The following FRMD4A variants were observed in gnomAD, a reference collection of about 807,000 sequenced individuals.
The protein encoded by FRMD4A is FERM domain containing 4A.
In FRMD4A, 29 loss-of-function variants were observed where a neutral mutation model predicts 129.1. That is an observed-to-expected ratio of 0.22 (90% CI 0.17 to 0.31). FRMD4A has a LOEUF of 0.31. FRMD4A is among the 10% of genes least tolerant of loss of function. The pLI, the probability that FRMD4A is intolerant of heterozygous loss-of-function variation, is 1.00. For synonymous variants in FRMD4A, 634 were observed against 571.6 expected (o/e 1.11, Z -1.56); for missense variants, 1,272 against 1,375.8 (o/e 0.92, Z 1.19).
At chr10:13,984,489 T>C (rs1334726329) in intron 2 of FRMD4A, among the ~76,000 whole-genome samples, 1 of 152,206 alleles carries the variant, frequency 6.6e-6, no homozygotes, top group Admixed American at 6.5e-5. Flanking sequence ...CAGAAGTTTT[T>C]CAGATTGCAA....
chr10:14,000,847 C>A (rs906635845), intron 2 of FRMD4A, among the ~76,000 whole-genome samples: 1 of 152,050 alleles, frequency 6.6e-6, no homozygotes, highest in African/African-American at 2.4e-5. Context: ...GGAAGGAAGT[C>A]ATGCACAATT....
intron 23 of FRMD4A, chr10:13,654,122 T>C (rs1451058002): frequency 1.1e-5 from 6 of 529,062 alleles, no homozygotes; most frequent in African/African-American, 5.9e-5. Context: ...TGAAATGCTG[T>C]CTGGAAATCT....
chr10:13,991,507 G>A (rs1210859611), intron 2 of FRMD4A, among the ~76,000 whole-genome samples: 1 of 152,168 alleles, frequency 6.6e-6, no homozygotes, highest in Non-Finnish European at 1.5e-5. Flanking sequence ...TGTACTCCCA[G>A]GACACAATGG....
chr10:13,670,355 G>GA, intron 17 of FRMD4A, 51 bp downstream of exon 17: 2 of 1,591,122 alleles, frequency 1.3e-6, no homozygotes, highest in Non-Finnish European at 1.7e-6. Flanking sequence ...TGACCAATGG[G>GA]AAAAACAAGG....
chr10:14,131,716 C>T (rs533156673), intron 2 of FRMD4A, among the ~76,000 whole-genome samples: 5 of 152,268 alleles, frequency 3.3e-5, no homozygotes, highest in South Asian at 2.1e-4. Context: ...CAAGATACCA[C>T]GCCACGAGAT....
At chr10:14,217,705 G>A (rs558401437) in intron 2 of FRMD4A, among the ~76,000 whole-genome samples, 1 of 152,262 alleles carries the variant, frequency 6.6e-6, no homozygotes, top group Admixed American at 6.5e-5. Context: ...CAACCTAGGC[G>A]CTGGCTCCCA....
intron 2 of FRMD4A, among the ~76,000 whole-genome samples, chr10:14,308,873 G>A (rs1041338): frequency 0.047 from 7,104 of 152,150 alleles, 470 homozygotes; most frequent in African/African-American, 0.15. Flanking sequence ...CCTACCAAAT[G>A]ACCCATTGGT....
At chr10:14,259,439 T>A (rs992074808) in intron 2 of FRMD4A, among the ~76,000 whole-genome samples, 2 of 152,200 alleles carry the variant, frequency 1.3e-5, no homozygotes, top group African/African-American at 4.8e-5. Context: ...AATGGCATTT[T>A]TTCAATTTTA....
At chr10:13,963,638 T>A (rs780355928) in intron 2 of FRMD4A, among the ~76,000 whole-genome samples, 13 of 152,240 alleles carry the variant, frequency 8.5e-5, no homozygotes. Flanking sequence ...CTGATAGAGA[T>A]GCATTTTCAA....
chr10:13,686,989 G>A (rs2085144299), intron 15 of FRMD4A, among the ~76,000 whole-genome samples: 1 of 152,168 alleles, frequency 6.6e-6, no homozygotes, highest in African/African-American at 2.4e-5. Context: ...ATTGAAATCA[G>A]AACTGTTCTC....
chr10:13,709,729 G>A (rs1298727096), intron 12 of FRMD4A, among the ~76,000 whole-genome samples: 1 of 152,184 alleles, frequency 6.6e-6, no homozygotes, highest in Non-Finnish European at 1.5e-5. Flanking sequence ...TCTTGAACAG[G>A]ATCGGCCTTC....
chr10:14,319,367 TCA>T (rs1554809203), intron 2 of FRMD4A, among the ~76,000 whole-genome samples: 32 of 145,144 alleles, frequency 2.2e-4, no homozygotes, highest in South Asian at 4.3e-4. Context: ...TCTCTCTCTC[TCA>T]CACACACACA....
chr10:13,666,344 C>G lies in FRMD4A; in HGVS notation c.1375-19G>C. 6.4e-7 allele frequency: 1 copy of G among 1,568,620 alleles called. No homozygotes were observed. ...CAGCTTCCTGTGGGAGGGAAAGCAC[C>G]GGTTTGGGTTACTGGGGATGCTGAG... On this transcript the variant is annotated intron_variant, in intron 17 of 24. Transcript: ENST00000357447.
chr10:14,129,501 C>T (rs1305884361), intron 2 of FRMD4A, among the ~76,000 whole-genome samples: 1 of 150,420 alleles, frequency 6.6e-6, no homozygotes, highest in South Asian at 2.1e-4. Context: ...CAGGGTAGCA[C>T]CCAGGACAGA....
chr10:14,112,239 T>C (rs1301603669), intron 2 of FRMD4A, among the ~76,000 whole-genome samples: 1 of 152,058 alleles, frequency 6.6e-6, no homozygotes, highest in East Asian at 1.9e-4. Context: ...CAAGTCCATG[T>C]TTGAATTTAA....
intron 3 of FRMD4A, among the ~76,000 whole-genome samples, chr10:13,820,544 A>C (rs914360756): frequency 9.2e-5 from 9 of 98,052 alleles, no homozygotes; most frequent in African/African-American, 3.9e-4. Context: ...ATTGTATCTC[A>C]AAAAAAAAAA....
intron 14 of FRMD4A, among the ~76,000 whole-genome samples, chr10:13,695,603 C>T (rs1222181405): frequency 6.6e-6 from 1 of 152,244 alleles, no homozygotes; most frequent in Admixed American, 6.5e-5. Flanking sequence ...TGCCAGTACA[C>T]AGAACTTCGT....
At chr10:13,680,494 G>A (rs1441334101) in intron 15 of FRMD4A, among the ~76,000 whole-genome samples, 1 of 151,958 alleles carries the variant, frequency 6.6e-6, no homozygotes, top group East Asian at 1.9e-4. Flanking sequence ...TTGGGAGGCC[G>A]AGGTGGGCAG....
chr10:13,846,493 C>T (rs934481614), intron 3 of FRMD4A, among the ~76,000 whole-genome samples: 2 of 152,154 alleles, frequency 1.3e-5, no homozygotes, highest in Admixed American at 6.5e-5. Context: ...TGATATTGGA[C>T]AAAGAATTTT....
Sources: allele counts gnomAD v4.1 joint callset (sites outside exome capture counted in the v4.1 genomes callset), GRCh38; gene constraint gnomAD v4.1.1; transcripts MANE v1.5; gene names NCBI Gene and HGNC (gene_info 2026-07-23, HGNC 2026-07-21).